The following PTPRT variants were observed in gnomAD, a reference collection of about 807,000 sequenced individuals.
PTPRT encodes receptor-type tyrosine-protein phosphatase T.
A neutral mutation model predicts 176.8 loss-of-function variants in PTPRT; 56 were observed. The observed-to-expected ratio is 0.32, with a 90% confidence interval of 0.26 to 0.40. The LOEUF is 0.40. PTPRT is among the 10% of genes least tolerant of loss of function. PTPRT has a pLI of 1.00. For missense variants in PTPRT, 1,540 were observed against 1,908.2 expected (o/e 0.81, Z 3.60); for synonymous variants, 783 against 739.0 (o/e 1.06, Z -0.96).
At chr20:42,929,618 T>A (rs1344500492) in intron 1 of PTPRT, among the ~76,000 whole-genome samples, 3 of 152,178 alleles carry the variant, frequency 2.0e-5, no homozygotes, top group African/African-American at 7.2e-5. Context: ...GACAGAGAAG[T>A]TAGGGAAGGA....
intron 6 of PTPRT, among the ~76,000 whole-genome samples, chr20:42,704,747 A>C (rs1471700026): frequency 6.6e-6 from 1 of 152,166 alleles, no homozygotes; most frequent in Non-Finnish European, 1.5e-5. Context: ...GTAATTATGC[A>C]TAACCCCAGA....
At chr20:42,898,773 T>C (rs208212) in intron 1 of PTPRT, among the ~76,000 whole-genome samples, 7,298 of 151,594 alleles carry the variant, frequency 0.048, 458 homozygotes, top group African/African-American at 0.14. Flanking sequence ...GAGCAGACAC[T>C]GTGAGATGCA....
At chr20:42,752,865 AC>A (rs1481638825) in intron 6 of PTPRT, among the ~76,000 whole-genome samples, 3 of 152,166 alleles carry the variant, frequency 2.0e-5, no homozygotes, top group African/African-American at 7.2e-5. Context: ...GTCCCTGGGC[AC>A]CCACTCCAGG....
intron 5 of PTPRT, among the ~76,000 whole-genome samples, chr20:42,764,344 T>G (rs1600712403): frequency 6.6e-6 from 1 of 152,078 alleles, no homozygotes; most frequent in African/African-American, 2.4e-5. Context: ...AGAAGGCAAC[T>G]AGGGGGTGGG....
chr20:42,212,212 G>A (rs2055653448), intron 15 of PTPRT, among the ~76,000 whole-genome samples: 1 of 147,948 alleles, frequency 6.8e-6, no homozygotes, highest in African/African-American at 2.5e-5. Context: ...ACGAGTTAGT[G>A]GGTGCAGTGC....
chr20:43,076,576 A>G (rs908637794), intron 1 of PTPRT, among the ~76,000 whole-genome samples: 1 of 152,146 alleles, frequency 6.6e-6, no homozygotes, highest in Non-Finnish European at 1.5e-5. Context: ...CAGTTCCCCA[A>G]AAAAGATTCC....
chr20:43,113,628 A>G (rs1044937173), intron 1 of PTPRT, among the ~76,000 whole-genome samples: 18 of 152,216 alleles, frequency 1.2e-4, no homozygotes, highest in African/African-American at 3.9e-4. Flanking sequence ...TGGGAGGACC[A>G]GAAGCCCTGT....
At chr20:42,700,362 GC>G (rs1487793389) in intron 6 of PTPRT, among the ~76,000 whole-genome samples, 1 of 152,002 alleles carries the variant, frequency 6.6e-6, no homozygotes, top group African/African-American at 2.4e-5. Context: ...AGGCTGGCAG[GC>G]CCCCCTCACA....
chr20:42,332,418 G>A (rs1439816439), intron 11 of PTPRT, among the ~76,000 whole-genome samples: 1 of 151,968 alleles, frequency 6.6e-6, no homozygotes, highest in African/African-American at 2.4e-5. Flanking sequence ...TACCGTGTTA[G>A]CCAGGATGGC....
chr20:42,567,048 G>T (rs558238274), intron 7 of PTPRT, among the ~76,000 whole-genome samples: 4 of 152,226 alleles, frequency 2.6e-5, no homozygotes, highest in African/African-American at 9.6e-5. Context: ...GAGGCAGGTG[G>T]ATCACCTGAT....
Position 42,199,349 on chromosome 20 carries a change from G to C in PTPRT, c.2382C>G (p.Ala794=), listed in dbSNP as rs780918827. ...AGGCCACAGGCCCCATCTCCCTCTG[G>C]GCTCCACTCTGGGTCTCCTTCTGCT... ...AKKQKETQSG[A]QREMGPVASA... The change falls in exon 16 of 31, where the codon GCC becomes GCG. Residue 794 remains alanine (A), a synonymous_variant. Transcript: ENST00000373187. 1 of 1,614,072 alleles carries C rather than the reference G, an allele frequency of 6.2e-7. No individual in the cohort carries two copies. The highest frequency in any genetic ancestry group is 1.1e-5 in the South Asian group (1 of 91,054).
At position 42,250,953 on chromosome 20, in the gene PTPRT, G is replaced by C. The variant is rs1248807136; in HGVS notation, c.2177-2131C>G. 3.3e-5 allele frequency among the ~76,000 whole-genome samples: 5 copies of C among 152,188 alleles called. No individual in the cohort carries two copies. In the East Asian group the frequency reaches 9.6e-4, roughly 29 times the overall value. The stretch of plus-strand genomic sequence containing the variant: ...GCCCAGAGAATTCCTGAAAGAGTTG[G>C]CCACCATCTCTTCAGCAGGGCTGGT... On this transcript the variant is annotated intron_variant, in intron 13 of 30. Transcript: ENST00000373187.
intron 1 of PTPRT, among the ~76,000 whole-genome samples, chr20:42,943,537 C>G (rs1980699933): frequency 6.6e-6 from 1 of 152,120 alleles, no homozygotes; most frequent in Admixed American, 6.5e-5. Context: ...CACCCCTACC[C>G]CCGAGTGGCT....
At chr20:42,592,134 C>T (rs1472022221) in intron 7 of PTPRT, among the ~76,000 whole-genome samples, 1 of 149,688 alleles carries the variant, frequency 6.7e-6, no homozygotes, top group Non-Finnish European at 1.5e-5. Flanking sequence ...CACCCACAAC[C>T]ACACCCAGCT....
At chr20:42,613,005 C>A (rs1393956135) in intron 7 of PTPRT, among the ~76,000 whole-genome samples, 1 of 152,142 alleles carries the variant, frequency 6.6e-6, no homozygotes, top group East Asian at 1.9e-4. Context: ...TGGATAGACA[C>A]CCTAAATGTT....
At chr20:42,098,208 T>C (rs1429795761) in intron 27 of PTPRT, among the ~76,000 whole-genome samples, 1 of 151,480 alleles carries the variant, frequency 6.6e-6, no homozygotes. Flanking sequence ...ACAAAGCCCA[T>C]AGGCAGGGGG....
At chr20:42,822,088 C>T (rs1028713644) in intron 2 of PTPRT, among the ~76,000 whole-genome samples, 4 of 149,354 alleles carry the variant, frequency 2.7e-5, no homozygotes, top group African/African-American at 9.7e-5. Context: ...TCAAAGAAGA[C>T]CCCAAGACAA....
chr20:43,064,115 T>C (rs777020666), intron 1 of PTPRT, among the ~76,000 whole-genome samples: 1 of 152,068 alleles, frequency 6.6e-6, no homozygotes, highest in Non-Finnish European at 1.5e-5. Flanking sequence ...GGGAACAGAG[T>C]GAGACCACAT....
At chr20:42,708,035 T>A (rs548034125) in intron 6 of PTPRT, among the ~76,000 whole-genome samples, 2 of 152,212 alleles carry the variant, frequency 1.3e-5, no homozygotes, top group Admixed American at 6.5e-5. Flanking sequence ...TAAAATTGTA[T>A]GCAATTATTA....
Sources: gnomAD v4.1 joint callset for allele counts (sites outside exome capture counted in the v4.1 genomes callset) on GRCh38, gnomAD v4.1.1 for gene constraint, MANE v1.5 for transcripts, NCBI Gene and HGNC (gene_info 2026-07-23, HGNC 2026-07-21) for gene names.